The following RGS22 variants were observed in gnomAD, a reference collection of about 807,000 sequenced individuals.
The protein encoded by RGS22 is regulator of G protein signaling 22.
RGS22 carries 148 observed loss-of-function variants against 172.9 expected under a neutral mutation model. The ratio of observed to expected loss-of-function variants is 0.86; its 90% confidence interval spans 0.75 to 0.98. RGS22 has a LOEUF of 0.98. Ranked by LOEUF, RGS22 falls within the 50% of genes least tolerant of loss-of-function variation. The pLI is 0.00. For synonymous variants in RGS22, 458 were observed against 480.2 expected, an observed-to-expected ratio of 0.95 and a Z score of 0.60; for missense variants, 1,347 against 1,440.8, an observed-to-expected ratio of 0.93 and a Z score of 1.05.
chr8:100,084,085 C>G (rs939817328), intron 3 of RGS22, among the ~76,000 whole-genome samples: 1 of 152,100 alleles, frequency 6.6e-6, no homozygotes, highest in African/African-American at 2.4e-5. Flanking sequence ...GATCCGTCCA[C>G]CTTGGCCTCC....
In RGS22 at chr8:100,078,221, A is replaced by G. The variant is rs539292484; in HGVS notation, c.339+1913T>C. On this transcript the variant is annotated intron_variant, in intron 4 of 27. Transcript: ENST00000360863. Reference sequence around the variant, plus strand: ...TGCTTACGCCATTTAAATATCATGTAATTATTGATGTATATTATTATTATC... The same window carrying G: ...TGCTTACGCCATTTAAATATCATGTGATTATTGATGTATATTATTATTATC... Among the ~76,000 whole-genome samples the G allele has an allele frequency of 2.6e-5, 4 of 151,994 alleles. No homozygotes were observed. The East Asian group carries it at 5.8e-4, about 22-fold the overall frequency.
At position 100,063,939 on chromosome 8, in the gene RGS22, C is replaced by A; in HGVS notation, c.829G>T (p.Glu277Ter). ...EFEEEEGEEE[E>*]VSVSLQDTPS... is the part of the protein sequence containing the mutation. ...GTGTCTTGTAGAGATACAGACACCT[C>A]TTCTTCTTCTCCTTCTTCTTCTTCA... Residue 277 changes from glutamate to a stop codon, truncating the protein, a stop_gained, in exon 8 of 28, where the codon GAG becomes TAG. Coordinates refer to ENST00000360863, the MANE Select transcript of RGS22 (RefSeq NM_015668.5). LOFTEE classifies it high-confidence loss of function. 1 of 1,582,550 alleles carries A rather than the reference C, an allele frequency of 6.3e-7. No individual in the cohort carries two copies. The highest frequency in any genetic ancestry group is 8.6e-7 in the Non-Finnish European group (1 of 1,164,014).
chr8:99,980,163 C>G (rs1812395645), intron 22 of RGS22, among the ~76,000 whole-genome samples: 1 of 152,172 alleles, frequency 6.6e-6, no homozygotes, highest in African/African-American at 2.4e-5. Flanking sequence ...CTCCTGGCCT[C>G]AAGCAATCCT....
intron 27 of RGS22, among the ~76,000 whole-genome samples, chr8:99,962,131 C>G (rs1735709672): frequency 1.3e-5 from 2 of 151,966 alleles, no homozygotes; most frequent in Admixed American, 1.3e-4. Flanking sequence ...AAAACTGAGC[C>G]ATAGCCCATT....
At chr8:99,997,821 CA>C (rs1216001249) in intron 19 of RGS22, among the ~76,000 whole-genome samples, 4 of 152,132 alleles carry the variant, frequency 2.6e-5, no homozygotes, top group Non-Finnish European at 4.4e-5. Context: ...ACCCACTTTA[CA>C]AAATAAAAAG....
At chr8:99,985,243 C>G (rs1159984089) in intron 21 of RGS22, among the ~76,000 whole-genome samples, 1 of 152,194 alleles carries the variant, frequency 6.6e-6, no homozygotes, top group Non-Finnish European at 1.5e-5. Context: ...ACATCCTTGA[C>G]CTCATGGGAT....
intron 17 of RGS22, 38 bp downstream of exon 17, chr8:100,003,888 A>C (rs1330394941): frequency 2.7e-6 from 4 of 1,472,306 alleles, no homozygotes; most frequent in African/African-American, 1.4e-5. Flanking sequence ...AGCTTAGAAA[A>C]ATGTTTTCAG....
intron 18 of RGS22, among the ~76,000 whole-genome samples, chr8:100,001,216 A>ATATATATATATG (rs1362455224): frequency 4.4e-5 from 6 of 135,222 alleles, no homozygotes; most frequent in Non-Finnish European, 7.7e-5. Flanking sequence ...ATATATATAT[A>ATATATATATATG]TATACATATA....
chr8:100,011,951 G>T (rs187310544), intron 14 of RGS22, among the ~76,000 whole-genome samples: 47 of 152,080 alleles, frequency 3.1e-4, no homozygotes, highest in African/African-American at 8.4e-4. Flanking sequence ...TGATAATAAC[G>T]AATAAAGTCA....
chr8:100,048,650 T>A (rs1395665061), intron 10 of RGS22, among the ~76,000 whole-genome samples: 1 of 152,136 alleles, frequency 6.6e-6, no homozygotes, highest in East Asian at 1.9e-4. Context: ...ATTCTATATA[T>A]AACTTCCCAT....
At chr8:99,989,148 G>A (rs1813417880) in intron 20 of RGS22, among the ~76,000 whole-genome samples, 1 of 151,972 alleles carries the variant, frequency 6.6e-6, no homozygotes, top group East Asian at 1.9e-4. Context: ...ACACAAAAGA[G>A]CATATTAACA....
intron 15 of RGS22, among the ~76,000 whole-genome samples, chr8:100,006,918 A>G (rs1815786199): frequency 6.6e-6 from 1 of 151,898 alleles, no homozygotes; most frequent in Non-Finnish European, 1.5e-5. Flanking sequence ...GAAGTTAGTT[A>G]TAATTCCAAA....
intron 19 of RGS22, among the ~76,000 whole-genome samples, chr8:99,998,058 AT>A (rs1237760217): frequency 6.6e-6 from 1 of 152,170 alleles, no homozygotes; most frequent in Admixed American, 6.6e-5. Flanking sequence ...TCTCATTTTT[AT>A]TTTTTAATCT....
chr8:99,985,251 G>C (rs1226209317), intron 21 of RGS22, among the ~76,000 whole-genome samples: 117 of 152,178 alleles, frequency 7.7e-4, no homozygotes, highest in Non-Finnish European at 1.3e-4. Context: ...GACCTCATGG[G>C]ATTCTTGTGA....
chr8:100,082,662 G>A (rs530693361), intron 3 of RGS22, among the ~76,000 whole-genome samples: 3 of 152,160 alleles, frequency 2.0e-5, no homozygotes, highest in Admixed American at 6.5e-5. Context: ...TCAGGGTTAT[G>A]GAAACAAGTC....
chr8:100,080,235 G>A lies in RGS22; in HGVS notation c.238C>T (p.Pro80Ser). ...CCTTTCCTTACAACATCATAAATGG[G>A]ATTTCGAGGTTGCTGGTTTTGTAGA... The part of the protein sequence containing the change: ...KILQNQQPRN[P>S]IYDVVRKGKN... The change falls in exon 4 of 28, where the codon CCC (proline) becomes TCC (serine). Residue 80 changes from proline (P) to serine (S), a missense_variant. Physicochemically the swap from Pro to Ser is moderately conservative, Grantham distance 74. Coordinates refer to ENST00000360863, the MANE Select transcript of RGS22 (RefSeq NM_015668.5). The A allele has an allele frequency of 6.2e-7, 1 of 1,613,660 alleles. No homozygotes were observed. Among genetic ancestry groups the A allele is most frequent in the East Asian group, 2.2e-5 (1 of 44,846 alleles).
intron 20 of RGS22, among the ~76,000 whole-genome samples, chr8:99,988,934 G>A (rs1315932946): frequency 2.6e-5 from 4 of 152,078 alleles, no homozygotes; most frequent in Middle Eastern, 3.2e-3. Context: ...AGACTGGGAC[G>A]TTTATTTAAA....
intron 14 of RGS22, among the ~76,000 whole-genome samples, chr8:100,015,106 A>G (rs1816805406): frequency 6.6e-6 from 1 of 152,238 alleles, no homozygotes; most frequent in South Asian, 2.1e-4. Flanking sequence ...AACTCCATAT[A>G]TTAATACTAA....
At chr8:100,086,018 G>A (rs1306506441) in intron 3 of RGS22, among the ~76,000 whole-genome samples, 1 of 152,146 alleles carries the variant, frequency 6.6e-6, no homozygotes, top group Non-Finnish European at 1.5e-5. Flanking sequence ...AATTAAGGAA[G>A]ATGTATAGGG....
Sources: allele counts gnomAD v4.1 joint callset (sites outside exome capture counted in the v4.1 genomes callset), GRCh38; gene constraint gnomAD v4.1.1; transcripts MANE v1.5; gene names NCBI Gene and HGNC (gene_info 2026-07-23, HGNC 2026-07-21).